SIPA1L1: variants seen among roughly 807,000 people sequenced by gnomAD.
The protein encoded by SIPA1L1 is signal-induced proliferation-associated 1-like protein 1.
A neutral mutation model predicts 162.7 loss-of-function variants in SIPA1L1; 26 were observed. That is an observed-to-expected ratio of 0.16 (90% CI 0.12 to 0.22). The LOEUF is 0.22. SIPA1L1 is among the 10% of genes least tolerant of loss of function. The pLI is 1.00. For synonymous variants in SIPA1L1, 829 were observed against 837.4 expected (o/e 0.99, Z 0.17); for missense variants, 1,874 against 2,241.0 (o/e 0.84, Z 3.31).
rs1264501766 is a variant in SIPA1L1 at position 71,723,689 on chromosome 14, C to T, written c.4251C>T (p.Thr1417=). The change falls in exon 18 of 24, where the codon ACC becomes ACT. Residue 1417 remains threonine, a synonymous_variant. Coordinates refer to ENST00000381232, the MANE Select transcript of SIPA1L1 (RefSeq NM_001386936.1). ...ACTCTGCCAGCCCAGTGGTTTTCAC[C>T]AGTGCCCGGAGTTCACCTAAAGAAG... ...SRHSASPVVF[T]SARSSPKEEL... The T allele has an allele frequency of 1.2e-6, 2 of 1,614,206 alleles. No individual in the cohort carries two copies.
chr14:71,590,668 C>A (rs1304150274), intron 5 of SIPA1L1, among the ~76,000 whole-genome samples: 1 of 152,130 alleles, frequency 6.6e-6, no homozygotes, highest in Non-Finnish European at 1.5e-5. Context: ...GTATTGCATA[C>A]CCTGATGTCA....
At position 71,379,165 on chromosome 14, in the gene SIPA1L1, T is replaced by G. The variant is rs2039668681; in HGVS notation, c.-465+57984T>G. Among the ~76,000 whole-genome samples, 3 of 152,216 alleles carry G rather than the reference T, an allele frequency of 2.0e-5. No individual in the cohort carries two copies. In the South Asian group the frequency reaches 6.2e-4, roughly 32 times the overall value. ...CAGTTATGTGTTGCTTTTCTATCTG[T>G]CAGAATTTTGTTGACATCTCATATG... On this transcript the variant is annotated intron_variant, in intron 2 of 23. Transcript: ENST00000381232.
chr14:71,623,481 A>G (rs997723397), intron 6 of SIPA1L1, among the ~76,000 whole-genome samples: 1 of 152,208 alleles, frequency 6.6e-6, no homozygotes, highest in African/African-American at 2.4e-5. Context: ...GAAATAAGAG[A>G]AAATCTAAAG....
At chr14:71,373,715 A>C (rs1192411664) in intron 2 of SIPA1L1, among the ~76,000 whole-genome samples, 6 of 151,624 alleles carry the variant, frequency 4.0e-5, no homozygotes, top group African/African-American at 1.5e-4. Flanking sequence ...TCAAAATTTT[A>C]TATTTTTTCT....
intron 2 of SIPA1L1, among the ~76,000 whole-genome samples, chr14:71,468,759 G>C (rs1245948135): frequency 1.3e-5 from 2 of 152,194 alleles, no homozygotes; most frequent in Non-Finnish European, 2.9e-5. Context: ...AGTAAAAACA[G>C]AATGAAGAAG....
chr14:71,709,535 G>A lies in SIPA1L1; in HGVS notation c.4079G>A (p.Ser1360Asn). ...SMADRTLETE[S>N]HGLDRKTESS... The stretch of plus-strand genomic sequence containing the variant: ...GCAGATCGGACTTTGGAGACAGAGA[G>A]CCACGGCCTGGACCGGAAAACAGAG... The change falls in exon 17 of 24, where the codon AGC (serine) becomes AAC (asparagine). Residue 1360 changes from serine (S) to asparagine (N), a missense_variant. This residue lies in a region of SIPA1L1 where 936 missense variants were observed against 1,051.9 expected (regional missense o/e 0.89). Coordinates refer to ENST00000381232, the MANE Select transcript of SIPA1L1 (RefSeq NM_001386936.1). 1.2e-6 allele frequency: 2 copies of A among 1,614,216 alleles called. No homozygotes were observed.
At chr14:71,582,205 C>G (rs1376229824) in intron 4 of SIPA1L1, among the ~76,000 whole-genome samples, 1 of 152,058 alleles carries the variant, frequency 6.6e-6, no homozygotes, top group Non-Finnish European at 1.5e-5. Context: ...CATGGTGAGG[C>G]ATGCTTGTAG....
intron 3 of SIPA1L1, among the ~76,000 whole-genome samples, chr14:71,520,067 A>G (rs1190475466): frequency 6.6e-6 from 1 of 152,214 alleles, no homozygotes; most frequent in African/African-American, 2.4e-5. Context: ...GCACCACTGC[A>G]CTCAAGCCTA....
intron 2 of SIPA1L1, among the ~76,000 whole-genome samples, chr14:71,388,317 A>C (rs1309413475): frequency 6.6e-6 from 1 of 152,226 alleles, no homozygotes; most frequent in African/African-American, 2.4e-5. Flanking sequence ...TAATTGACCC[A>C]AGCTACAAAG....
chr14:71,600,640 G>T (rs2036623689), intron 5 of SIPA1L1, among the ~76,000 whole-genome samples: 1 of 152,104 alleles, frequency 6.6e-6, no homozygotes, highest in South Asian at 2.1e-4. Context: ...GAATGACATT[G>T]ATATTTTGAA....
chr14:71,684,034 G>A (rs2046043999), intron 12 of SIPA1L1, among the ~76,000 whole-genome samples: 1 of 152,178 alleles, frequency 6.6e-6, no homozygotes, highest in African/African-American at 2.4e-5. Flanking sequence ...GGGATAGAGT[G>A]GAGCCTTGGG....
chr14:71,604,595 G>A (rs966334668), intron 5 of SIPA1L1, among the ~76,000 whole-genome samples: 2 of 152,042 alleles, frequency 1.3e-5, no homozygotes, highest in African/African-American at 2.4e-5. Flanking sequence ...CTCAGCTTTT[G>A]CTTGTCTTGG....
chr14:71,346,848 T>A (rs1594925976), intron 2 of SIPA1L1, among the ~76,000 whole-genome samples: 1 of 152,210 alleles, frequency 6.6e-6, no homozygotes, highest in African/African-American at 2.4e-5. Flanking sequence ...GTTATCACCC[T>A]CCTGCCTATC....
At chr14:71,491,747 AATG>A (rs888569916) in intron 2 of SIPA1L1, among the ~76,000 whole-genome samples, 10 of 127,638 alleles carry the variant, frequency 7.8e-5, no homozygotes, top group African/African-American at 3.0e-4. Flanking sequence ...TTTCAGGCTT[AATG>A]TTTTATTTCA....
chr14:71,363,492 G>GT (rs2037998310), intron 2 of SIPA1L1, among the ~76,000 whole-genome samples: 1 of 152,144 alleles, frequency 6.6e-6, no homozygotes, highest in Admixed American at 6.5e-5. Flanking sequence ...TTTTAGAGAA[G>GT]TAACACATTG....
chr14:71,587,571 A>C lies in SIPA1L1; in HGVS notation c.-302A>C. The C allele has an allele frequency of 2.4e-6, 1 of 414,156 alleles. No individual in the cohort carries two copies. Among genetic ancestry groups the C allele is most frequent in the Non-Finnish European group, 4.3e-6 (1 of 234,182 alleles). The allele number at this position is 414,156 out of a possible 1,614,324, so 25.7% of individuals were successfully genotyped here. Reference sequence around the variant, plus strand: ...TTCAAATTATCCTTTTCTCTTTTAGAGAAAGCATGGGATTATGGCAACCAC... The same window carrying C: ...TTCAAATTATCCTTTTCTCTTTTAGCGAAAGCATGGGATTATGGCAACCAC... On this transcript the variant is annotated splice_region_variant and 5_prime_UTR_variant, in exon 5 of 24. Transcript: ENST00000381232.
At chr14:71,712,085 T>G (rs2082914359) in intron 17 of SIPA1L1, among the ~76,000 whole-genome samples, 1 of 152,160 alleles carries the variant, frequency 6.6e-6, no homozygotes, top group Non-Finnish European at 1.5e-5. Context: ...AATTAGAGTG[T>G]TTGTGTCCTC....
chr14:71,575,943 G>A (rs188321662), intron 4 of SIPA1L1, among the ~76,000 whole-genome samples: 12 of 152,296 alleles, frequency 7.9e-5, no homozygotes, highest in South Asian at 6.2e-4. Context: ...GCATTTCTCC[G>A]TCAACACAGA....
At chr14:71,649,640 C>T (rs553103284) in intron 7 of SIPA1L1, among the ~76,000 whole-genome samples, 1 of 152,136 alleles carries the variant, frequency 6.6e-6, no homozygotes, top group Non-Finnish European at 1.5e-5. Flanking sequence ...TTCATTTTAA[C>T]TGCATTTGAG....
Sources: allele counts gnomAD v4.1 joint callset (sites outside exome capture counted in the v4.1 genomes callset), GRCh38; gene constraint gnomAD v4.1.1; regional missense constraint gnomAD v4.1.1; transcripts MANE v1.5; gene names NCBI Gene and HGNC (gene_info 2026-07-23, HGNC 2026-07-21).